NAA25: variants seen among roughly 807,000 people sequenced by gnomAD.
The protein encoded by NAA25 is N-terminal acetyltransferase B complex subunit NAA25.
Under a neutral mutation model 132.5 loss-of-function variants are expected in NAA25, and 30 were observed. The ratio of observed to expected loss-of-function variants is 0.23; its 90% CI spans 0.17 to 0.31. The LOEUF is 0.31. Among genes scored for constraint, NAA25 ranks in the 10% least tolerant of loss-of-function variants. NAA25 has a pLI of 1.00. For missense variants in NAA25, 771 were observed against 1,150.4 expected (o/e 0.67, Z 4.77); for synonymous variants, 359 against 401.9 (o/e 0.89, Z 1.28).
chr12:112,060,091 G>A (rs2078604467), intron 13 of NAA25, among the ~76,000 whole-genome samples, 179 bp downstream of exon 13: 1 of 152,166 alleles, frequency 6.6e-6, no homozygotes, highest in Non-Finnish European at 1.5e-5. Flanking sequence ...TTACAGGCAT[G>A]AGCCATCGCA....
intron 5 of NAA25, among the ~76,000 whole-genome samples, chr12:112,080,396 A>C (rs2078955946): frequency 6.7e-6 from 1 of 149,638 alleles, no homozygotes; most frequent in Non-Finnish European, 1.5e-5. Flanking sequence ...TCACAGTCAG[A>C]TACAGAGGCT....
Position 112,100,614 on chromosome 12 carries a change from CTTTT to C in NAA25, c.59-7482_59-7479del, listed in dbSNP as rs71083200. On this transcript the variant is annotated intron_variant, in intron 1 of 23. Transcript: ENST00000261745. ...TTTTCACAGGTATTGATTCCATTGT[CTTTT>C]TTTTTTTTTTTTTTTTTTTGAGATG... Among the ~76,000 whole-genome samples the C allele has an allele frequency of 2.0e-4, 20 of 100,622 alleles. No homozygotes were observed. The Admixed American group carries it at 2.1e-3, about 10-fold the overall frequency. The allele number at this position is 100,622 out of a possible 152,430, so 66.0% of individuals were successfully genotyped here.
chr12:112,078,584 T>C, intron 6 of NAA25, 50 bp downstream of exon 6: 14 of 1,424,490 alleles, frequency 9.8e-6, no homozygotes, highest in Admixed American at 1.7e-5. Flanking sequence ...CATAATATTG[T>C]AGCACTAGCA....
intron 23 of NAA25, among the ~76,000 whole-genome samples, chr12:112,031,200 G>A (rs890676855): frequency 6.6e-6 from 1 of 152,216 alleles, no homozygotes; most frequent in Non-Finnish European, 1.5e-5. Flanking sequence ...CCCATAGGAA[G>A]GAAGAAAGGG....
Position 112,057,016 on chromosome 12 carries a change from C to A in NAA25, c.1448-2448G>T, listed in dbSNP as rs566983134. Among the ~76,000 whole-genome samples, 3 of 151,888 alleles carry A rather than the reference C, an allele frequency of 2.0e-5. No individual in the cohort carries two copies. In the South Asian group the frequency reaches 6.2e-4, roughly 32 times the overall value. On this transcript the variant is annotated intron_variant, in intron 13 of 23. Coordinates refer to ENST00000261745, the MANE Select transcript of NAA25 (RefSeq NM_024953.4). ...CAACCTGACCAACATGGTAAAACCC[C>A]GTCTCTACTAAAAATACAAAAATTA...
intron 1 of NAA25, among the ~76,000 whole-genome samples, chr12:112,096,760 C>A (rs898505462): frequency 6.6e-6 from 1 of 152,202 alleles, no homozygotes; most frequent in Non-Finnish European, 1.5e-5. Context: ...ATAAACGACA[C>A]CCTCTCTTCC....
chr12:112,091,697 T>C (rs1266567626), intron 2 of NAA25, among the ~76,000 whole-genome samples: 1 of 149,880 alleles, frequency 6.7e-6, no homozygotes, highest in Non-Finnish European at 1.5e-5. Context: ...AGAGAGACCT[T>C]ATCTCCAAAA....
intron 22 of NAA25, chr12:112,033,983 C>A (rs1377336440): frequency 6.6e-6 from 1 of 152,016 alleles, no homozygotes; most frequent in Non-Finnish European, 1.5e-5. Context: ...ATTAATAAAG[C>A]TAGCTTTTCA....
intron 15 of NAA25, among the ~76,000 whole-genome samples, chr12:112,050,738 G>A (rs900584076): frequency 5.9e-5 from 9 of 151,990 alleles, no homozygotes; most frequent in East Asian, 3.9e-4. Context: ...GTAAAAACAC[G>A]TAAGTGACTT....
chr12:112,054,007 T>A (rs1489959548), intron 14 of NAA25, among the ~76,000 whole-genome samples: 3 of 152,130 alleles, frequency 2.0e-5, no homozygotes, highest in East Asian at 1.9e-4. Context: ...AGCATAATAA[T>A]AAAGAGTAGT....
At chr12:112,079,075 A>G (rs932324902) in intron 5 of NAA25, among the ~76,000 whole-genome samples, 1 of 152,206 alleles carries the variant, frequency 6.6e-6, no homozygotes, top group Non-Finnish European at 1.5e-5. Flanking sequence ...GTATTTGAAG[A>G]GGAAAGCCTT....
chr12:112,059,047 C>A (rs1297651069), intron 13 of NAA25, among the ~76,000 whole-genome samples: 1 of 117,958 alleles, frequency 8.5e-6, no homozygotes, highest in Non-Finnish European at 1.6e-5. Context: ...GTACTCCAGT[C>A]TGGGCGACAG....
intron 3 of NAA25, among the ~76,000 whole-genome samples, chr12:112,088,141 G>A (rs556296287): frequency 2.0e-5 from 3 of 151,836 alleles, no homozygotes; most frequent in Admixed American, 6.6e-5. Context: ...TAAACTCTTC[G>A]CTCTGCCTGA....
intron 23 of NAA25, among the ~76,000 whole-genome samples, chr12:112,031,111 CAAT>C (rs1254483957): frequency 6.6e-6 from 1 of 151,958 alleles, no homozygotes; most frequent in Non-Finnish European, 1.5e-5. Context: ...CAAAATAATA[CAAT>C]AATACTGTAT....
intron 3 of NAA25, among the ~76,000 whole-genome samples, chr12:112,089,821 C>T (rs183163838): frequency 2.6e-4 from 40 of 151,680 alleles, no homozygotes; most frequent in Admixed American, 1.0e-3. Flanking sequence ...TGGTGAAACC[C>T]GTCTCTACTA....
At chr12:112,081,203 C>T (rs1003230079) in intron 4 of NAA25, 69 bp from the exon 5 acceptor site, 40 of 1,315,514 alleles carry the variant, frequency 3.0e-5, no homozygotes, top group Non-Finnish European at 3.8e-5. Flanking sequence ...TCTAGATACA[C>T]GACAAAAAGT....
chr12:112,044,913 C>T lies in NAA25; in HGVS notation c.2007-1045G>A, dbSNP rs555141008. On this transcript the variant is annotated intron_variant, in intron 17 of 23. Transcript: ENST00000261745. ...AAAAAAATACAAAAAATTGGCTGGACGTGGTGGCACACACCTGTAGTCCCA... is the reference window on the plus strand; with the variant it reads ...AAAAAAATACAAAAAATTGGCTGGATGTGGTGGCACACACCTGTAGTCCCA... Among the ~76,000 whole-genome samples, 85 of 150,358 alleles carry T rather than the reference C, an allele frequency of 5.7e-4. 1 individual carries two copies. In the South Asian group the frequency reaches 0.018, roughly 31 times the overall value.
intron 10 of NAA25, among the ~76,000 whole-genome samples, chr12:112,070,577 T>G (rs2078790624): frequency 1.3e-5 from 2 of 152,158 alleles, no homozygotes; most frequent in African/African-American, 4.8e-5. Flanking sequence ...TTTTTTTAAT[T>G]TTTTGTTGTT....
chr12:112,039,718 C>T (rs928450092), intron 21 of NAA25: 39 of 166,840 alleles, frequency 2.3e-4, no homozygotes, highest in African/African-American at 8.6e-4. Context: ...ATGCCTCTCC[C>T]GTCACATCTC....
Sources: gnomAD v4.1 joint callset for allele counts (sites outside exome capture counted in the v4.1 genomes callset) on GRCh38, gnomAD v4.1.1 for gene constraint, MANE v1.5 for transcripts, NCBI Gene and HGNC (gene_info 2026-07-23, HGNC 2026-07-21) for gene names.